Variants in NUMB observed in about 807,000 individuals in gnomAD.
NUMB encodes the protein NUMB endocytic adaptor protein.
A neutral mutation model predicts 59.7 loss-of-function variants in NUMB; 29 were observed. The ratio of observed to expected loss-of-function variants is 0.49; its 90% CI spans 0.36 to 0.66. The LOEUF is 0.66. Ranked by LOEUF, NUMB falls within the 30% of genes least tolerant of loss-of-function variation. The pLI is 0.00. For synonymous variants in NUMB, 288 were observed against 288.2 expected (o/e 1.00, Z 0.01); for missense variants, 723 against 822.0 (o/e 0.88, Z 1.47).
intron 8 of NUMB, among the ~76,000 whole-genome samples, chr14:73,291,191 G>A (rs1431254632): frequency 2.8e-5 from 4 of 143,048 alleles, no homozygotes; most frequent in African/African-American, 7.9e-5. Flanking sequence ...AGCGATTCTC[G>A]TGCCTCAGCC....
intron 6 of NUMB, among the ~76,000 whole-genome samples, chr14:73,300,891 A>AT (rs1890088324): frequency 6.6e-6 from 1 of 152,130 alleles, no homozygotes; most frequent in Non-Finnish European, 1.5e-5. Context: ...TTAAAGTACA[A>AT]TAAAAAAAAG....
intron 1 of NUMB, among the ~76,000 whole-genome samples, chr14:73,437,041 C>CTTTT (rs71112755): frequency 1.3e-3 from 138 of 106,662 alleles, no homozygotes; most frequent in African/African-American, 2.2e-3. Flanking sequence ...TTTTCTCTCT[C>CTTTT]TTTTTTTTTT....
chr14:73,387,247 A>G (rs918645383), intron 2 of NUMB, among the ~76,000 whole-genome samples: 2 of 152,036 alleles, frequency 1.3e-5, no homozygotes, highest in Non-Finnish European at 2.9e-5. Flanking sequence ...CTTGAATTGT[A>G]GTTCCCATAA....
intron 2 of NUMB, among the ~76,000 whole-genome samples, chr14:73,372,313 A>ATATATATATATATATATATAACCT: frequency 1.0e-5 from 1 of 98,702 alleles, no homozygotes; most frequent in African/African-American, 4.3e-5. Flanking sequence ...TTTTATATAT[A>ATATATATATATATATATATAACCT]TATATATATA....
Position 73,276,118 on chromosome 14 carries a change from T to C in NUMB, c.*460A>G, listed in dbSNP as rs1888136489. 1 of 155,976 alleles carries C rather than the reference T, an allele frequency of 6.4e-6. No homozygotes were observed. Among genetic ancestry groups the C allele is most frequent in the African/African-American group, 2.4e-5 (1 of 41,466 alleles). The allele number at this position is 155,976 out of a possible 1,614,324, so 9.7% of individuals were successfully genotyped here. ...GGGAATTCTGGCAGCATAGCGTGCC[T>C]CTCTGTTCCCCAGCCTGAGCACAAA... On this transcript the variant is annotated 3_prime_UTR_variant, in exon 13 of 13. Coordinates refer to ENST00000555238, the MANE Select transcript of NUMB (RefSeq NM_001005743.2).
chr14:73,297,465 A>G (rs1395397359), intron 6 of NUMB, 180 bp from the exon 7 acceptor site: 10 of 476,764 alleles, frequency 2.1e-5, no homozygotes, highest in African/African-American at 2.0e-4. Flanking sequence ...CATTCAGGAA[A>G]AAACAAGCCA....
In NUMB at chr14:73,448,548, C is replaced by T. The variant is rs529387207; in HGVS notation, c.-233+9945G>A. 2.0e-5 allele frequency among the ~76,000 whole-genome samples: 3 copies of T among 152,124 alleles called. No homozygotes were observed. In the East Asian group the frequency reaches 5.8e-4, roughly 29 times the overall value. Reference sequence around the variant, plus strand: ...TTCTTTCATTTGACCAAATCCTTATCTAAGGAAGATACAGGGCTTAAATTC... The same window carrying T: ...TTCTTTCATTTGACCAAATCCTTATTTAAGGAAGATACAGGGCTTAAATTC... On this transcript the variant is annotated intron_variant, in intron 1 of 12. Transcript: ENST00000555238.
chr14:73,443,789 TAC>T (rs1883263888), intron 1 of NUMB, among the ~76,000 whole-genome samples: 1 of 152,002 alleles, frequency 6.6e-6, no homozygotes, highest in Non-Finnish European at 1.5e-5. Context: ...TGGCTGGGAT[TAC>T]AGACGCCCAC....
At chr14:73,423,597 C>T (rs1369616666) in intron 1 of NUMB, among the ~76,000 whole-genome samples, 13 of 151,204 alleles carry the variant, frequency 8.6e-5, no homozygotes, top group Non-Finnish European at 1.3e-4. Flanking sequence ...GCCAAAATCA[C>T]GCCACTGCAC....
intron 2 of NUMB, among the ~76,000 whole-genome samples, chr14:73,400,621 T>C (rs1896366255): frequency 6.6e-6 from 1 of 152,198 alleles, no homozygotes; most frequent in Admixed American, 6.5e-5. Flanking sequence ...GCTGGTCACC[T>C]GAAAGACCAA....
intron 6 of NUMB, among the ~76,000 whole-genome samples, chr14:73,300,538 G>T (rs548243586): frequency 6.6e-6 from 1 of 152,278 alleles, no homozygotes; most frequent in African/African-American, 2.4e-5. Context: ...GTTTGGATTT[G>T]AATTCTGGTT....
At chr14:73,417,345 T>C (rs1897170421) in intron 1 of NUMB, among the ~76,000 whole-genome samples, 1 of 152,064 alleles carries the variant, frequency 6.6e-6, no homozygotes, top group Non-Finnish European at 1.5e-5. Context: ...GACGCTACCA[T>C]GGGGCTGGAG....
intron 2 of NUMB, among the ~76,000 whole-genome samples, 166 bp from the exon 3 acceptor site, chr14:73,367,147 CAAGTTACTCCAGTAACTGT>C (rs1894380218): frequency 6.6e-6 from 1 of 151,278 alleles, no homozygotes. Flanking sequence ...ATGATCACTC[CAAGTTACTCCAGTAACTGT>C]AAGATCCACA....
intron 2 of NUMB, among the ~76,000 whole-genome samples, chr14:73,399,321 C>T (rs754496483): frequency 7.9e-5 from 12 of 152,144 alleles, no homozygotes; most frequent in Non-Finnish European, 1.5e-4. Flanking sequence ...CCTGGCACTT[C>T]GGGAGGCTGA....
chr14:73,287,375 A>G (rs1889086968), intron 8 of NUMB, 61 bp from the exon 9 acceptor site: 3 of 1,377,808 alleles, frequency 2.2e-6, no homozygotes, highest in Non-Finnish European at 3.0e-6. Flanking sequence ...CATACAAATA[A>G]GTCTTTTGTT....
intron 4 of NUMB, among the ~76,000 whole-genome samples, chr14:73,336,075 G>A (rs538410790): frequency 1.3e-5 from 2 of 152,176 alleles, no homozygotes; most frequent in East Asian, 3.9e-4. Flanking sequence ...CTTTTCAAAC[G>A]TGACATAAGG....
chr14:73,423,378 C>T (rs1362631444), intron 1 of NUMB, among the ~76,000 whole-genome samples: 3 of 151,590 alleles, frequency 2.0e-5, no homozygotes, highest in African/African-American at 4.8e-5. Flanking sequence ...GTGGCTCACG[C>T]CTGTAATTCC....
intron 5 of NUMB, among the ~76,000 whole-genome samples, chr14:73,319,620 A>G (rs1891289517): frequency 1.3e-5 from 2 of 152,244 alleles, no homozygotes; most frequent in Non-Finnish European, 2.9e-5. Flanking sequence ...CAATATAAGT[A>G]TCTGGCAAAG....
At chr14:73,348,497 C>A (rs1168294421) in intron 4 of NUMB, among the ~76,000 whole-genome samples, 1 of 152,230 alleles carries the variant, frequency 6.6e-6, no homozygotes. Context: ...GCAAGCATTA[C>A]TGCCTGAGCT....
Sources: allele counts gnomAD v4.1 joint callset (sites outside exome capture counted in the v4.1 genomes callset), GRCh38; gene constraint gnomAD v4.1.1; transcripts MANE v1.5; gene names NCBI Gene and HGNC (gene_info 2026-07-23, HGNC 2026-07-21).